GRIN2A: variants seen among roughly 807,000 people sequenced by gnomAD.
GRIN2A encodes the protein glutamate ionotropic receptor NMDA type subunit 2A.
Under a neutral mutation model 113.4 loss-of-function variants are expected in GRIN2A, and 22 were observed. The observed-to-expected ratio is 0.19, with a 90% CI of 0.14 to 0.28. The LOEUF (loss-of-function observed/expected upper bound fraction) is 0.28. GRIN2A is among the 10% of genes least tolerant of loss of function. The pLI, the probability that GRIN2A is intolerant of heterozygous loss-of-function variation, is 1.00. For missense variants in GRIN2A, 1,502 were observed against 1,887.0 expected (o/e 0.80, Z 3.78); for synonymous variants, 827 against 738.4 (o/e 1.12, Z -1.94).
chr16:9,934,761 T>G (rs925796275), intron 3 of GRIN2A, among the ~76,000 whole-genome samples: 1 of 150,976 alleles, frequency 6.6e-6, no homozygotes, highest in South Asian at 2.1e-4. Flanking sequence ...GGCCTTTCTC[T>G]AGCTCCCTGT....
At position 9,996,024 on chromosome 16, in the gene GRIN2A, CAAAAAAAAAAAAAAAA is replaced by C. The variant is rs57133009; in HGVS notation, c.415-57489_415-57474del. 2.7e-4 allele frequency among the ~76,000 whole-genome samples: 14 copies of C among 51,142 alleles called. 1 individual carries two copies. In the South Asian group the frequency reaches 1.0e-2, roughly 36 times the overall value. 33.6% of individuals were successfully genotyped at this position (51,142 alleles called of 152,430 possible). On this transcript the variant is annotated intron_variant, in intron 2 of 12. Coordinates refer to ENST00000330684, the MANE Select transcript of GRIN2A (RefSeq NM_001134407.3). ...TAAAAAGAAAGCAGGCAGAGGGTGGCAAAAAAAAAAAAAAAAAAAAAAAAAAAAGAAAGAAAGAAGT... is the reference window on the plus strand; with the variant it reads ...TAAAAAGAAAGCAGGCAGAGGGTGGCAAAAAAAAAAAAGAAAGAAAGAAGT...
At chr16:9,885,741 G>A (rs1377018527) in intron 4 of GRIN2A, among the ~76,000 whole-genome samples, 1 of 152,114 alleles carries the variant, frequency 6.6e-6, no homozygotes, top group Admixed American at 6.5e-5. Flanking sequence ...CAGCTTTAAG[G>A]GTAACACGAC....
At chr16:9,771,308 G>C (rs1009856856) in intron 11 of GRIN2A, among the ~76,000 whole-genome samples, 6 of 149,328 alleles carry the variant, frequency 4.0e-5, no homozygotes, top group Non-Finnish European at 5.9e-5. Context: ...TCTCTGTGCT[G>C]CATTTGGGTA....
At chr16:9,771,967 G>T (rs574255975) in intron 11 of GRIN2A, among the ~76,000 whole-genome samples, 2 of 152,008 alleles carry the variant, frequency 1.3e-5, no homozygotes, top group East Asian at 3.9e-4. Flanking sequence ...TCTTTTTACA[G>T]ACTAAGTGAC....
At chr16:10,139,079 G>A (rs952727444) in intron 2 of GRIN2A, among the ~76,000 whole-genome samples, 2 of 152,170 alleles carry the variant, frequency 1.3e-5, no homozygotes, top group African/African-American at 2.4e-5. Flanking sequence ...TCAGAACACC[G>A]GATGGAGACA....
At chr16:10,101,169 G>GT (rs2048387105) in intron 2 of GRIN2A, among the ~76,000 whole-genome samples, 2 of 152,186 alleles carry the variant, frequency 1.3e-5, no homozygotes, top group Non-Finnish European at 2.9e-5. Flanking sequence ...TTTCTGTTAG[G>GT]TTGGCAGAGA....
chr16:9,979,644 A>C (rs887208652), intron 2 of GRIN2A, among the ~76,000 whole-genome samples: 12 of 152,126 alleles, frequency 7.9e-5, no homozygotes, highest in Non-Finnish European at 1.3e-4. Context: ...CCTATACTAG[A>C]ATCTGGACAT....
chr16:10,150,177 G>C (rs1291351770), intron 2 of GRIN2A, among the ~76,000 whole-genome samples: 1 of 152,236 alleles, frequency 6.6e-6, no homozygotes, highest in Non-Finnish European at 1.5e-5. Context: ...TTAGGTTGCA[G>C]TTCACTACTT....
At chr16:10,030,544 G>A (rs898453189) in intron 2 of GRIN2A, among the ~76,000 whole-genome samples, 7 of 152,150 alleles carry the variant, frequency 4.6e-5, no homozygotes, top group African/African-American at 1.7e-4. Flanking sequence ...CACATATCCT[G>A]GAAAGGTCTC....
chr16:10,051,881 T>C (rs2047365940), intron 2 of GRIN2A, among the ~76,000 whole-genome samples: 1 of 152,200 alleles, frequency 6.6e-6, no homozygotes, highest in Non-Finnish European at 1.5e-5. Context: ...GTAATGGGAT[T>C]AGGTAGGTAT....
Position 9,797,041 on chromosome 16 carries a change from A to G in GRIN2A, c.2356+1236T>C, listed in dbSNP as rs571437510. ...ATCTAGGATTTAACTCTGTGAATAG[A>G]AAGAAGATAAGAAGCCACAAGTAAT... On this transcript the variant is annotated intron_variant, in intron 11 of 12. Transcript: ENST00000330684. Among the ~76,000 whole-genome samples the G allele has an allele frequency of 1.2e-3, 180 of 152,372 alleles. 2 individuals carry two copies. The highest frequency in any genetic ancestry group is 4.3e-3 in the African/African-American group (179 of 41,590).
intron 3 of GRIN2A, among the ~76,000 whole-genome samples, chr16:9,904,139 G>T (rs570289929): frequency 6.6e-6 from 1 of 152,280 alleles, no homozygotes; most frequent in South Asian, 2.1e-4. Context: ...GGGTAAGGCC[G>T]CTGTTTTCAC....
intron 2 of GRIN2A, among the ~76,000 whole-genome samples, chr16:10,088,652 C>G (rs1441878902): frequency 6.6e-6 from 1 of 152,218 alleles, no homozygotes. Context: ...GGAGTTTCTA[C>G]TCAAAGGACT....
chr16:9,846,473 G>C (rs763354906), intron 5 of GRIN2A, among the ~76,000 whole-genome samples: 12 of 152,198 alleles, frequency 7.9e-5, no homozygotes, highest in African/African-American at 2.2e-4. Flanking sequence ...CTCAAGGACT[G>C]AGATCTGGGC....
intron 2 of GRIN2A, among the ~76,000 whole-genome samples, chr16:10,056,968 A>C (rs1596467644): frequency 6.6e-6 from 1 of 150,994 alleles, no homozygotes; most frequent in South Asian, 2.1e-4. Flanking sequence ...CATCTCTCCA[A>C]CCCCCAGCCA....
intron 7 of GRIN2A, among the ~76,000 whole-genome samples, chr16:9,835,468 C>T (rs761422790): frequency 6.6e-6 from 1 of 152,072 alleles, no homozygotes; most frequent in African/African-American, 2.4e-5. Context: ...TGAAAATTAG[C>T]TGACTGCAGC....
intron 2 of GRIN2A, among the ~76,000 whole-genome samples, chr16:10,062,159 T>C (rs1209289736): frequency 6.6e-6 from 1 of 152,200 alleles, no homozygotes; most frequent in East Asian, 1.9e-4. Flanking sequence ...ACCTTCTTTA[T>C]GGATTGCGAG....
intron 2 of GRIN2A, among the ~76,000 whole-genome samples, chr16:10,170,892 A>G (rs2142357076): frequency 1.3e-5 from 2 of 152,112 alleles, no homozygotes; most frequent in East Asian, 3.9e-4. Context: ...AAAAAAAAAA[A>G]AAAAAAATTG....
intron 2 of GRIN2A, among the ~76,000 whole-genome samples, chr16:10,153,810 G>T (rs957761144): frequency 6.6e-6 from 1 of 152,162 alleles, no homozygotes; most frequent in Non-Finnish European, 1.5e-5. Context: ...CCTTAATGCA[G>T]CATGTCCTGG....
Sources: allele counts gnomAD v4.1 joint callset (sites outside exome capture counted in the v4.1 genomes callset), GRCh38; gene constraint gnomAD v4.1.1; transcripts MANE v1.5; gene names NCBI Gene and HGNC (gene_info 2026-07-23, HGNC 2026-07-21).